Variants in PRKN observed in about 807,000 individuals in gnomAD.
PRKN encodes the protein E3 ubiquitin-protein ligase parkin.
PRKN carries 56 observed loss-of-function variants against 59.5 expected under a neutral mutation model. The ratio of observed to expected loss-of-function variants is 0.94; its 90% CI spans 0.76 to 1.18. The LOEUF (loss-of-function observed/expected upper bound fraction) is 1.18, where lower values mean the gene tolerates loss of function less well. Among genes scored for constraint, PRKN ranks in the 50% most tolerant of loss-of-function variants. The pLI is 0.00. For synonymous variants in PRKN, 250 were observed against 222.1 expected (o/e 1.13, Z -1.12); for missense variants, 657 against 596.4 (o/e 1.10, Z -1.06).
At chr6:161,691,891 T>G (rs1785811590) in intron 7 of PRKN, among the ~76,000 whole-genome samples, 1 of 152,138 alleles carries the variant, frequency 6.6e-6, no homozygotes, top group Non-Finnish European at 1.5e-5. Flanking sequence ...ATTTTGGGGT[T>G]ACAAATAAGA....
At chr6:161,783,293 C>T (rs1028086711) in intron 7 of PRKN, among the ~76,000 whole-genome samples, 15 of 152,062 alleles carry the variant, frequency 9.9e-5, no homozygotes, top group East Asian at 5.8e-4. Context: ...AAAAAAGTCT[C>T]CTAGCTTATT....
intron 4 of PRKN, among the ~76,000 whole-genome samples, chr6:162,067,679 C>T (rs746584964): frequency 5.9e-5 from 9 of 152,140 alleles, no homozygotes; most frequent in East Asian, 3.9e-4. Flanking sequence ...AATGGTGTAA[C>T]GAATATATGC....
intron 4 of PRKN, among the ~76,000 whole-genome samples, chr6:162,077,253 T>C (rs1778865779): frequency 1.3e-5 from 2 of 152,124 alleles, no homozygotes; most frequent in African/African-American, 4.8e-5. Flanking sequence ...TAGTAACATG[T>C]TGTCCATGTT....
chr6:161,372,635 G>A lies in PRKN; in HGVS notation c.1168-12430C>T, dbSNP rs1056645140. 9.2e-5 allele frequency among the ~76,000 whole-genome samples: 14 copies of A among 152,092 alleles called. No homozygotes were observed. Among genetic ancestry groups the A allele is most frequent in the Non-Finnish European group, 1.6e-4 (11 of 68,030 alleles). On this transcript the variant is annotated intron_variant, in intron 10 of 11. Transcript: ENST00000366898. The surrounding 1 kb of genome is among the most constrained non-coding windows in gnomAD (Gnocchi z 4.2). ...CGGCGGCTCTCAGACCAGCGGCACC[G>A]GAAGCGCTTGTGCTGTGGCTCCCCC...
chr6:161,841,603 G>A (rs1328006040), intron 6 of PRKN, among the ~76,000 whole-genome samples: 1 of 152,112 alleles, frequency 6.6e-6, no homozygotes, highest in Non-Finnish European at 1.5e-5. Context: ...GCCCACCTCG[G>A]CCTCCCAAAG....
At chr6:162,225,547 A>G (rs1778133726) in intron 3 of PRKN, among the ~76,000 whole-genome samples, 1 of 152,138 alleles carries the variant, frequency 6.6e-6, no homozygotes, top group Non-Finnish European at 1.5e-5. Context: ...TACTAACCTG[A>G]CACTGATGTG....
Position 161,349,997 on chromosome 6 carries a change from C to T in PRKN, c.*102G>A, listed in dbSNP as rs1036457508. The T allele has an allele frequency of 2.0e-5, 16 of 804,626 alleles. No individual in the cohort carries two copies. The highest frequency in any genetic ancestry group is 7.2e-5 in the South Asian group (5 of 69,676). 49.8% of individuals were successfully genotyped at this position (804,626 alleles called of 1,614,324 possible). A position where few individuals can be genotyped will look rare whatever the true frequency, so the allele number is the denominator to read the frequency against. On this transcript the variant is annotated 3_prime_UTR_variant, in exon 12 of 12. Transcript: ENST00000366898. The surrounding 1 kb of genome is among the most constrained non-coding windows in gnomAD (Gnocchi z 5.5). ...AAAACTTGAAGAGTGTGTGTGCGCG[C>T]GCGCGCGTGTGTGTGTGTGTTTGAA... is the stretch of plus-strand genomic sequence containing the variant.
At chr6:161,800,143 G>A (rs1791018988) in intron 6 of PRKN, among the ~76,000 whole-genome samples, 1 of 152,098 alleles carries the variant, frequency 6.6e-6, no homozygotes, top group African/African-American at 2.4e-5. Context: ...GACTGGAGCA[G>A]GGCTACAAAG....
Position 161,359,997 on chromosome 6 carries a change from A to G in PRKN, c.1285+91T>C, listed in dbSNP as rs1169688062. 2.7e-5 allele frequency: 25 copies of G among 942,324 alleles called. No homozygotes were observed. 58.4% of individuals were successfully genotyped at this position (942,324 alleles called of 1,614,324 possible). On this transcript the variant is annotated intron_variant, in intron 11 of 11. Transcript: ENST00000366898. The surrounding 1 kb of genome is among the most constrained non-coding windows in gnomAD (Gnocchi z 5.4). ...CCCAACACACCAGGCACCTTCAGAC[A>G]GCATCTCCTTTAATCCTGGAATCCC...
Position 161,372,514 on chromosome 6 carries a change from C to T in PRKN, c.1168-12309G>A, listed in dbSNP as rs1785480171. Among the ~76,000 whole-genome samples, 1 of 152,244 alleles carries T rather than the reference C, an allele frequency of 6.6e-6. No homozygotes were observed. The highest frequency in any genetic ancestry group is 2.4e-5 in the African/African-American group (1 of 41,462). On this transcript the variant is annotated intron_variant, in intron 10 of 11. Coordinates refer to ENST00000366898, the MANE Select transcript of PRKN (RefSeq NM_004562.3). This position sits in a 1 kb window ranked among gnomAD's most constrained non-coding sequence, Gnocchi z 4.2. The stretch of plus-strand genomic sequence containing the variant: ...TTGGGTGTCTAAGATGTGCCAGGCA[C>T]TGTCCTGGACCCTGGGGATACATCC...
chr6:162,615,347 T>C (rs1782359529), intron 1 of PRKN, among the ~76,000 whole-genome samples: 1 of 152,174 alleles, frequency 6.6e-6, no homozygotes, highest in South Asian at 2.1e-4. Flanking sequence ...CTGGTACATT[T>C]CACATTCACC....
At chr6:162,335,320 G>A (rs1650812313) in intron 2 of PRKN, among the ~76,000 whole-genome samples, 1 of 152,124 alleles carries the variant, frequency 6.6e-6, no homozygotes, top group African/African-American at 2.4e-5. Context: ...GGGACTACAG[G>A]CATGGGCCAC....
intron 2 of PRKN, among the ~76,000 whole-genome samples, chr6:162,312,164 TC>T (rs1477013008): frequency 2.6e-5 from 4 of 152,122 alleles, no homozygotes; most frequent in Non-Finnish European, 5.9e-5. Flanking sequence ...TTAGTATTGC[TC>T]CCCTGCCAGA....
rs1779782227 is a variant in PRKN, at chr6:161,546,004, A to G, written c.1083+2850T>C. 3.3e-5 allele frequency among the ~76,000 whole-genome samples: 5 copies of G among 152,212 alleles called. No homozygotes were observed. The highest frequency in any genetic ancestry group is 3.3e-4 in the Admixed American group (5 of 15,282). ...ATTATTTGAAAGGCTAAAAATAGTA[A>G]GGTCTAGGTGCCCAGTTTCCTGCCG... On this transcript the variant is annotated intron_variant, in intron 9 of 11. Coordinates refer to ENST00000366898, the MANE Select transcript of PRKN (RefSeq NM_004562.3). This position sits in a 1 kb window ranked among gnomAD's most constrained non-coding sequence, Gnocchi z 4.4.
At chr6:161,439,548 G>T (rs757273382) in intron 9 of PRKN, among the ~76,000 whole-genome samples, 1 of 152,204 alleles carries the variant, frequency 6.6e-6, no homozygotes, top group Non-Finnish European at 1.5e-5. Context: ...CTGCGTGGGA[G>T]CAGCTCTCAA....
Position 162,588,137 on chromosome 6 carries a change from A to G in PRKN, c.7+139525T>C, listed in dbSNP as rs146129476. Among the ~76,000 whole-genome samples, 541 of 151,562 alleles carry G rather than the reference A, an allele frequency of 3.6e-3. 38 individuals are homozygous for G. The East Asian group carries it at 0.09, about 25-fold the overall frequency. ...GCAATTCTCCTACCTCAGCCTCCCA[A>G]GTATCTGGGATTATAGGTGCATGCC... is the stretch of plus-strand genomic sequence containing the variant. On this transcript the variant is annotated intron_variant, in intron 1 of 11. Transcript: ENST00000366898.
intron 2 of PRKN, among the ~76,000 whole-genome samples, chr6:162,266,661 T>C (rs1451060121): frequency 6.6e-6 from 1 of 152,190 alleles, no homozygotes; most frequent in African/African-American, 2.4e-5. Context: ...TGTATGAATT[T>C]TGGCAAATGA....
intron 4 of PRKN, among the ~76,000 whole-genome samples, chr6:162,114,388 C>A (rs1304613538): frequency 4.6e-5 from 7 of 151,610 alleles, no homozygotes; most frequent in Admixed American, 1.3e-4. Flanking sequence ...TCTTTTATTT[C>A]CTTGAGCAGT....
intron 9 of PRKN, among the ~76,000 whole-genome samples, chr6:161,403,436 C>T (rs1787132605): frequency 6.6e-6 from 1 of 152,090 alleles, no homozygotes; most frequent in African/African-American, 2.4e-5. Flanking sequence ...TCATAAAGGG[C>T]CCTTTACTGT....
Sources: gnomAD v4.1 joint callset for allele counts (sites outside exome capture counted in the v4.1 genomes callset) on GRCh38, gnomAD v4.1.1 for gene constraint, Gnocchi (gnomAD v3.1) non-coding constraint, MANE v1.5 for transcripts, NCBI Gene and HGNC (gene_info 2026-07-23, HGNC 2026-07-21) for gene names.